The following ABCB11 variants were observed in gnomAD, a reference collection of about 807,000 sequenced individuals.
The protein encoded by ABCB11 is bile salt export pump.
A neutral mutation model predicts 148.0 loss-of-function variants in ABCB11; 95 were observed. That is an observed-to-expected ratio of 0.64 (90% confidence interval 0.54 to 0.76). The LOEUF (loss-of-function observed/expected upper bound fraction) is 0.76. ABCB11 is among the 30% of genes least tolerant of loss of function. The pLI is 0.00. For synonymous variants in ABCB11, 591 were observed against 555.4 expected (o/e 1.06, Z -0.90); for missense variants, 1,523 against 1,617.8 (o/e 0.94, Z 1.01).
chr2:168,964,741 T>C (rs1032811479), intron 17 of ABCB11, among the ~76,000 whole-genome samples: 2 of 151,892 alleles, frequency 1.3e-5, no homozygotes, highest in East Asian at 3.9e-4. Flanking sequence ...TGTGTTCACT[T>C]TAGCATGGTT....
In ABCB11 at chr2:168,986,190, A is replaced by G. The variant is rs954864510; in HGVS notation, c.1003T>C (p.Leu335=). 3 of 1,613,370 alleles carry G rather than the reference A, an allele frequency of 1.9e-6. No homozygotes were observed. In the African/African-American group the frequency reaches 4.0e-5, roughly 22 times the overall value. Residue 335 remains leucine (L), a synonymous_variant, in exon 10 of 28, where the codon TTG becomes CTG. Coordinates refer to ENST00000650372, the MANE Select transcript of ABCB11 (RefSeq NM_003742.4). The part of the protein sequence containing the change: ...FTGFVWCLIF[L]CYALAFWYGS... ...TACCAGAAGGCCAGTGCATAACACA[A>G]AAAGATGAGACACCACACGAATCCA...
intron 2 of ABCB11, among the ~76,000 whole-genome samples, 182 bp from the exon 3 acceptor site, chr2:169,016,981 CACACA>C: frequency 1.2e-5 from 1 of 85,870 alleles, no homozygotes; most frequent in African/African-American, 4.9e-5. Flanking sequence ...TATCTTTCTA[CACACA>C]CACACACACA....
At chr2:168,994,472 T>C (rs1159400308) in intron 7 of ABCB11, among the ~76,000 whole-genome samples, 1 of 152,106 alleles carries the variant, frequency 6.6e-6, no homozygotes, top group African/African-American at 2.4e-5. Flanking sequence ...TTAACCTTTT[T>C]GTGGCTCAAT....
At chr2:169,019,478 A>G (rs896921957) in intron 1 of ABCB11, among the ~76,000 whole-genome samples, 2 of 152,186 alleles carry the variant, frequency 1.3e-5, no homozygotes, top group African/African-American at 2.4e-5. Flanking sequence ...CATGTATACC[A>G]AAATTTGCAT....
chr2:168,920,112 T>C (rs190783006), downstream of ABCB11, among the ~76,000 whole-genome samples: 801 of 152,260 alleles, frequency 5.3e-3, 6 homozygotes, highest in East Asian at 0.015. Flanking sequence ...GCAATCCTCT[T>C]GCCTCGGCCT....
intron 5 of ABCB11, among the ~76,000 whole-genome samples, chr2:169,006,576 A>G (rs1002305171): frequency 2.0e-5 from 3 of 152,050 alleles, no homozygotes; most frequent in Admixed American, 1.3e-4. Context: ...AATAAAATAA[A>G]ATAAAATAAA....
intron 18 of ABCB11, among the ~76,000 whole-genome samples, chr2:168,961,642 T>C (rs1693082551): frequency 1.3e-5 from 2 of 151,784 alleles, no homozygotes; most frequent in Admixed American, 6.6e-5. Context: ...AAACTTAATG[T>C]TGTCAACATT....
chr2:168,990,325 G>A (rs879464829), intron 9 of ABCB11, among the ~76,000 whole-genome samples: 9 of 152,002 alleles, frequency 5.9e-5, no homozygotes, highest in Non-Finnish European at 1.0e-4. Context: ...TTATTTCTCC[G>A]TGATTCAACC....
chr2:168,966,855 T>C (rs1040712849), intron 17 of ABCB11, among the ~76,000 whole-genome samples: 5 of 151,862 alleles, frequency 3.3e-5, no homozygotes, highest in African/African-American at 9.7e-5. Context: ...CTACTTTCTG[T>C]GTGTAGATCG....
chr2:168,969,478 C>A lies in ABCB11; in HGVS notation c.1883G>T (p.Gly628Val). ...TTCCACTGCAGTGCCATGTTCAAAACCAATGATGGTATCTGCAGCTCTGAC... is the reference window on the plus strand; with the variant it reads ...TTCCACTGCAGTGCCATGTTCAAAAACAATGATGGTATCTGCAGCTCTGAC... ...STVRAADTII[G>V]FEHGTAVERG... is the part of the protein sequence containing the mutation. The change falls in exon 16 of 28, where the codon GGT becomes GTT. Residue 628 changes from glycine to valine, a missense_variant. Coordinates refer to ENST00000650372, the MANE Select transcript of ABCB11 (RefSeq NM_003742.4). 6.2e-7 allele frequency: 1 copy of A among 1,612,646 alleles called. No homozygotes were observed. Among genetic ancestry groups the A allele is most frequent in the African/African-American group, 1.3e-5 (1 of 74,932 alleles).
Position 168,958,001 on chromosome 2 carries a change from G to A in ABCB11, c.2306C>T (p.Thr769Ile). The A allele has an allele frequency of 6.2e-7, 1 of 1,606,864 alleles. No individual in the cohort carries two copies. The highest frequency in any genetic ancestry group is 8.5e-7 in the Non-Finnish European group (1 of 1,174,800). ...GCTGAATAAAAAGGCATACAAGGGT[G>A]TGACTGTCCCGTTCACAGCTGCACC... Reference protein sequence around the residue: ...SVGAAVNGTVTPLYAFLFSQI... With the variant: ...SVGAAVNGTVIPLYAFLFSQI... Residue 769 changes from threonine to isoleucine, a missense_variant, in exon 19 of 28, where the codon ACA becomes ATA. Coordinates refer to ENST00000650372, the MANE Select transcript of ABCB11 (RefSeq NM_003742.4).
chr2:168,987,127 A>G (rs979410795), intron 9 of ABCB11, among the ~76,000 whole-genome samples: 26 of 152,166 alleles, frequency 1.7e-4, no homozygotes, highest in African/African-American at 6.0e-4. Context: ...ACAAACCAAA[A>G]GAAGTGGGGA....
chr2:168,917,429 A>C (rs1690961645), downstream of ABCB11, among the ~76,000 whole-genome samples: 1 of 152,240 alleles, frequency 6.6e-6, no homozygotes, highest in Admixed American at 6.5e-5. Flanking sequence ...TGTTTTGGGA[A>C]GAGGTCCTCA....
rs756725213 is a variant in ABCB11 at position 168,969,424 on chromosome 2, C to T, written c.1937G>A (p.Arg646Lys). Residue 646 changes from arginine (R) to lysine (K), a missense_variant, in exon 16 of 28, where the codon AGG becomes AAG. Coordinates refer to ENST00000650372, the MANE Select transcript of ABCB11 (RefSeq NM_003742.4). ...CACTAGAGTGAAGTAAACACCTTTC[C>T]TTTCCAGTAATTCTTCATGGGTCCC... ...ERGTHEELLERKGVYFTLVTL... is the reference protein window; with the variant it reads ...ERGTHEELLEKKGVYFTLVTL... 6.3e-5 allele frequency: 101 copies of T among 1,612,604 alleles called. 3 individuals carry two copies. The South Asian group carries it at 1.1e-3, about 17-fold the overall frequency.
At chr2:168,973,950 T>G in intron 12 of ABCB11, 110 bp from the exon 13 acceptor site, 4 of 1,244,974 alleles carry the variant, frequency 3.2e-6, no homozygotes, top group South Asian at 1.5e-5. Context: ...TGTGTGTGCG[T>G]TTATGTATGC....
At chr2:168,949,728 A>C (rs1461535097) in intron 19 of ABCB11, among the ~76,000 whole-genome samples, 2 of 151,552 alleles carry the variant, frequency 1.3e-5, no homozygotes, top group African/African-American at 4.8e-5. Context: ...GCTAATACTG[A>C]GTGACAACTT....
At chr2:169,005,764 T>C (rs1345456704) in intron 5 of ABCB11, among the ~76,000 whole-genome samples, 1 of 152,226 alleles carries the variant, frequency 6.6e-6, no homozygotes, top group Non-Finnish European at 1.5e-5. Context: ...TAGCTCAATT[T>C]AGCCATTCCA....
intron 18 of ABCB11, 78 bp downstream of exon 18, chr2:168,964,128 T>G: frequency 1.9e-6 from 2 of 1,078,684 alleles, no homozygotes; most frequent in Non-Finnish European, 2.8e-6. Context: ...AAAACTCATA[T>G]TCTCAGGCTT....
chr2:168,940,956 G>T (rs879807784), intron 21 of ABCB11, among the ~76,000 whole-genome samples: 1 of 152,056 alleles, frequency 6.6e-6, no homozygotes, highest in Non-Finnish European at 1.5e-5. Context: ...TTAAGCCACT[G>T]TTGACACCTA....
Sources: allele counts gnomAD v4.1 joint callset (sites outside exome capture counted in the v4.1 genomes callset), GRCh38; gene constraint gnomAD v4.1.1; transcripts MANE v1.5; gene names NCBI Gene and HGNC (gene_info 2026-07-23, HGNC 2026-07-21).